TMEM245: variants seen among roughly 807,000 people sequenced by gnomAD.
TMEM245 encodes transmembrane protein 245.
A neutral mutation model predicts 101.2 loss-of-function variants in TMEM245; 69 were observed. That is an observed-to-expected ratio of 0.68 (90% CI 0.56 to 0.83). The LOEUF (loss-of-function observed/expected upper bound fraction) is 0.83. TMEM245 is among the 40% of genes least tolerant of loss of function. The pLI is 0.00. For synonymous variants in TMEM245, 537 were observed against 449.8 expected (o/e 1.19, Z -2.45); for missense variants, 1,075 against 1,092.8 (o/e 0.98, Z 0.23).
chr9:109,037,178 C>T (rs1460968805), intron 15 of TMEM245, among the ~76,000 whole-genome samples: 1 of 152,174 alleles, frequency 6.6e-6, no homozygotes, highest in Non-Finnish European at 1.5e-5. Flanking sequence ...GTAGAAGAAG[C>T]ACCACAACAG....
At chr9:109,095,649 T>A (rs917808978) in intron 3 of TMEM245, among the ~76,000 whole-genome samples, 3 of 152,238 alleles carry the variant, frequency 2.0e-5, no homozygotes, top group African/African-American at 7.2e-5. Context: ...AACAGGATAG[T>A]AGTCTTCTTC....
rs143114782 is a variant in TMEM245 at position 109,090,898 on chromosome 9, G to A, written c.1150+24C>T. ...AAATCAATCTTCAAAGACAAGACGAGATCGTACTTAACCAGATAACGACCT... is the reference window on the plus strand; with the variant it reads ...AAATCAATCTTCAAAGACAAGACGAAATCGTACTTAACCAGATAACGACCT... On this transcript the variant is annotated intron_variant, in intron 5 of 17. Transcript: ENST00000374586. 138 of 1,600,052 alleles carry A rather than the reference G, an allele frequency of 8.6e-5. 1 individual carries two copies. In the East Asian group the frequency reaches 2.1e-3, roughly 24 times the overall value.
At chr9:109,107,185 C>G (rs1219391332) in intron 2 of TMEM245, among the ~76,000 whole-genome samples, 4 of 150,990 alleles carry the variant, frequency 2.6e-5, no homozygotes, top group Non-Finnish European at 5.9e-5. Context: ...GTCAGGAGTT[C>G]GAGACCAGCC....
intron 11 of TMEM245, among the ~76,000 whole-genome samples, 188 bp downstream of exon 11, chr9:109,060,166 T>C (rs895852033): frequency 6.6e-6 from 1 of 152,210 alleles, no homozygotes; most frequent in Admixed American, 6.5e-5. Flanking sequence ...ACCAGAGAGA[T>C]AGGCAGGTTC....
intron 4 of TMEM245, among the ~76,000 whole-genome samples, chr9:109,092,369 A>G (rs1830031323): frequency 6.6e-6 from 1 of 152,224 alleles, no homozygotes; most frequent in Admixed American, 6.5e-5. Context: ...GTCAATTTTT[A>G]CTACTGAGAT....
At chr9:109,057,122 G>T in intron 12 of TMEM245, 69 bp downstream of exon 12, 1 of 1,545,582 alleles carries the variant, frequency 6.5e-7, no homozygotes, top group Non-Finnish European at 8.8e-7. Flanking sequence ...CAAAGTGTAT[G>T]AAGAAAACTT....
In TMEM245 at chr9:109,057,225, G is replaced by C; in HGVS notation, c.1820C>G (p.Ser607Cys). ...TGTCTCAATGTTCTCGTGAACAAAG[G>C]AAACAATATCCTGCCAGTCCAGAAT... ...GDILDWQDIV[S>C]FVHENIETFL... The change falls in exon 12 of 18, where the codon TCC (serine) becomes TGC (cysteine). Residue 607 changes from serine (S) to cysteine (C), a missense_variant. Physicochemically the swap from Ser to Cys is moderately radical, Grantham distance 112. Transcript: ENST00000374586. 6.2e-7 allele frequency: 1 copy of C among 1,613,926 alleles called. No individual in the cohort carries two copies. The highest frequency in any genetic ancestry group is 1.7e-5 in the Admixed American group (1 of 60,000).
intron 11 of TMEM245, among the ~76,000 whole-genome samples, chr9:109,058,974 G>C (rs1423627655): frequency 6.6e-6 from 1 of 152,060 alleles, no homozygotes; most frequent in African/African-American, 2.4e-5. Context: ...GGGTGTCTTA[G>C]GACCGATCAC....
chr9:109,082,552 T>C lies in TMEM245; in HGVS notation c.1345-1609A>G, dbSNP rs111876360. On this transcript the variant is annotated intron_variant, in intron 7 of 17. Transcript: ENST00000374586. ...TAGCACGTGGTAAGCATTCAATTAC[T>C]ATGTGTTTGAATAAGCAAGCATAAA... Among the ~76,000 whole-genome samples the C allele has an allele frequency of 9.5e-4, 145 of 152,334 alleles. 1 individual carries two copies. The highest frequency in any genetic ancestry group is 3.2e-3 in the African/African-American group (134 of 41,580).
chr9:109,093,899 C>T (rs888032322), intron 3 of TMEM245, among the ~76,000 whole-genome samples: 1 of 152,182 alleles, frequency 6.6e-6, no homozygotes, highest in South Asian at 2.1e-4. Context: ...TTAATGCATA[C>T]TTCTATTGAA....
chr9:109,113,323 G>C (rs554320322), intron 1 of TMEM245, among the ~76,000 whole-genome samples: 1 of 152,132 alleles, frequency 6.6e-6, no homozygotes, highest in Non-Finnish European at 1.5e-5. Flanking sequence ...GGAAACATGA[G>C]GTTAACAAGT....
chr9:109,063,172 T>C (rs573738028), intron 10 of TMEM245, among the ~76,000 whole-genome samples: 51 of 151,940 alleles, frequency 3.4e-4, no homozygotes, highest in South Asian at 2.1e-4. Context: ...GAGAGTAGAG[T>C]GCAGTGGCAT....
chr9:109,035,991 CAAA>C (rs59613050), intron 16 of TMEM245: 708 of 129,746 alleles, frequency 5.5e-3, no homozygotes, highest in East Asian at 0.011. Context: ...CAACAACAAC[CAAA>C]AAAAAAAAAA....
chr9:109,117,158 G>A (rs111295564), intron 1 of TMEM245, among the ~76,000 whole-genome samples: 24,404 of 151,672 alleles, frequency 0.16, 2,240 homozygotes, highest in African/African-American at 0.2. Context: ...CACCCAGAAT[G>A]GAGTGCAGTG....
At chr9:109,039,614 C>T (rs1463664286) in intron 14 of TMEM245, among the ~76,000 whole-genome samples, 2 of 151,890 alleles carry the variant, frequency 1.3e-5, no homozygotes, top group African/African-American at 2.4e-5. Context: ...ATCTGAGACG[C>T]ACCAGAATAA....
intron 14 of TMEM245, among the ~76,000 whole-genome samples, chr9:109,044,845 C>T (rs1828433586): frequency 6.6e-6 from 1 of 151,584 alleles, no homozygotes; most frequent in African/African-American, 2.4e-5. Context: ...CTGCAACCTC[C>T]ACCACCTGGG....
chr9:109,041,409 G>A (rs1414891673), intron 14 of TMEM245, among the ~76,000 whole-genome samples: 1 of 147,292 alleles, frequency 6.8e-6, no homozygotes, highest in Non-Finnish European at 1.5e-5. Flanking sequence ...TGTAAGAGTT[G>A]AACTCATAGA....
At chr9:109,097,271 T>C (rs1830166883) in intron 3 of TMEM245, among the ~76,000 whole-genome samples, 1 of 152,008 alleles carries the variant, frequency 6.6e-6, no homozygotes, top group African/African-American at 2.4e-5. Context: ...AAAAAACAAA[T>C]ATGAAGACAC....
chr9:109,088,340 C>A (rs1829900437), intron 5 of TMEM245, among the ~76,000 whole-genome samples: 1 of 152,092 alleles, frequency 6.6e-6, no homozygotes, highest in African/African-American at 2.4e-5. Context: ...TAATTACAAG[C>A]TGTAGAAAAG....
Sources: gnomAD v4.1 joint callset for allele counts (sites outside exome capture counted in the v4.1 genomes callset) on GRCh38, gnomAD v4.1.1 for gene constraint, MANE v1.5 for transcripts, NCBI Gene and HGNC (gene_info 2026-07-23, HGNC 2026-07-21) for gene names.